SDK1: variants seen among roughly 807,000 people sequenced by gnomAD.
SDK1 encodes the protein protein sidekick-1.
In SDK1, 157 loss-of-function variants were observed where a neutral mutation model predicts 245.5. That is an observed-to-expected ratio of 0.64 (90% CI 0.56 to 0.73). The LOEUF (loss-of-function observed/expected upper bound fraction) is 0.73, where lower values mean the gene tolerates loss of function less well. Ranked by LOEUF, SDK1 falls within the 30% of genes least tolerant of loss-of-function variation. The pLI is 0.00. For missense variants in SDK1, 3,583 were observed against 3,002.3 expected (o/e 1.19, Z -4.52); for synonymous variants, 1,647 against 1,278.5 (o/e 1.29, Z -6.15).
At chr7:3,896,020 G>A (rs1046200583) in intron 5 of SDK1, among the ~76,000 whole-genome samples, 1 of 152,102 alleles carries the variant, frequency 6.6e-6, no homozygotes, top group Non-Finnish European at 1.5e-5. Context: ...CATATGTTCT[G>A]TGTGCACTTA....
chr7:4,216,160 G>A (rs186908828), intron 38 of SDK1, among the ~76,000 whole-genome samples: 50 of 152,342 alleles, frequency 3.3e-4, no homozygotes, highest in Non-Finnish European at 5.1e-4. Context: ...TGAACTCTCT[G>A]TTGAATGTGG....
intron 5 of SDK1, among the ~76,000 whole-genome samples, chr7:3,891,213 T>A (rs1361951228): frequency 1.3e-5 from 2 of 152,024 alleles, no homozygotes; most frequent in African/African-American, 4.8e-5. Flanking sequence ...GCTGGGCAAA[T>A]ATTTCAAGGA....
intron 1 of SDK1, among the ~76,000 whole-genome samples, chr7:3,359,270 G>A (rs933464951): frequency 3.9e-5 from 6 of 152,154 alleles, no homozygotes; most frequent in African/African-American, 1.2e-4. Flanking sequence ...AGCAGAGCCC[G>A]GAGGCTTGAG....
At chr7:3,695,707 A>G (rs1416975787) in intron 4 of SDK1, among the ~76,000 whole-genome samples, 1 of 152,192 alleles carries the variant, frequency 6.6e-6, no homozygotes, top group Non-Finnish European at 1.5e-5. Flanking sequence ...CATTTATATC[A>G]TGTGTACATT....
chr7:4,146,953 C>A lies in SDK1; in HGVS notation c.4423+1037C>A, dbSNP rs143810209. On this transcript the variant is annotated intron_variant, in intron 29 of 44. Transcript: ENST00000404826. ...CTGACACCACGAGGCCGACTCTTCC[C>A]ATGAAAGTCTATAGTGGGCGCCCTT... Among the ~76,000 whole-genome samples, 1,089 of 152,344 alleles carry A rather than the reference C, an allele frequency of 7.1e-3. 16 individuals are homozygous for A. The highest frequency in any genetic ancestry group is 0.025 in the African/African-American group (1,028 of 41,584).
intron 40 of SDK1, among the ~76,000 whole-genome samples, chr7:4,224,755 C>T (rs539832211): frequency 1.3e-5 from 2 of 151,810 alleles, no homozygotes; most frequent in African/African-American, 2.4e-5. Context: ...CCGAGGTGGG[C>T]GGATCACTTG....
Position 4,267,859 on chromosome 7 carries a change from GC to G in SDK1, c.*2478del. 3 of 985,550 alleles carry G rather than the reference GC, an allele frequency of 3.0e-6. No homozygotes were observed. The highest frequency in any genetic ancestry group is 3.6e-6 in the Non-Finnish European group (3 of 830,042). The allele number at this position is 985,550 out of a possible 1,614,324, so 61.1% of individuals were successfully genotyped here. A position where few individuals can be genotyped will look rare whatever the true frequency, so the allele number is the denominator to read the frequency against. On this transcript the variant is annotated 3_prime_UTR_variant, in exon 45 of 45. Coordinates refer to ENST00000404826, the MANE Select transcript of SDK1 (RefSeq NM_152744.4). The stretch of plus-strand genomic sequence containing the variant: ...GCTGCTGGACTGTGCTTAGGACAGC[GC>G]CCATGCCTCGGAGGGACTCTGTCCC...
chr7:3,376,571 T>C (rs1375963875), intron 1 of SDK1, among the ~76,000 whole-genome samples: 2 of 152,190 alleles, frequency 1.3e-5, no homozygotes, highest in African/African-American at 4.8e-5. Flanking sequence ...TCACATTGTA[T>C]TTACCAGATT....
chr7:4,246,096 C>G (rs1057380284), intron 44 of SDK1, among the ~76,000 whole-genome samples: 1 of 152,144 alleles, frequency 6.6e-6, no homozygotes, highest in Non-Finnish European at 1.5e-5. Flanking sequence ...TTAGGCCCAG[C>G]AGAGCTCACA....
intron 1 of SDK1, among the ~76,000 whole-genome samples, chr7:3,586,935 A>T (rs561251254): frequency 1.2e-4 from 18 of 152,150 alleles, no homozygotes; most frequent in African/African-American, 4.3e-4. Flanking sequence ...TTTTTTTGGT[A>T]AGCGTTGAGA....
Position 3,645,798 on chromosome 7 carries a change from C to T in SDK1, c.713+3693C>T, listed in dbSNP as rs529201250. Among the ~76,000 whole-genome samples, 14 of 152,162 alleles carry T rather than the reference C, an allele frequency of 9.2e-5. No homozygotes were observed. In the South Asian group the frequency reaches 2.7e-3, roughly 29 times the overall value. ...CAGAGATGCCATTTAAAAACTAGAG[C>T]ATTTGACTCAAGGTGCTTCCCACAT... On this transcript the variant is annotated intron_variant, in intron 4 of 44. Coordinates refer to ENST00000404826, the MANE Select transcript of SDK1 (RefSeq NM_152744.4).
At chr7:4,015,084 G>C (rs1304125493) in intron 16 of SDK1, among the ~76,000 whole-genome samples, 1 of 152,228 alleles carries the variant, frequency 6.6e-6, no homozygotes, top group East Asian at 1.9e-4. Context: ...TATATATTTA[G>C]GGAGTGCTTT....
At chr7:3,961,789 C>A (rs1053644353) in intron 8 of SDK1, among the ~76,000 whole-genome samples, 1 of 152,162 alleles carries the variant, frequency 6.6e-6, no homozygotes, top group African/African-American at 2.4e-5. Flanking sequence ...TGAGCACTCA[C>A]CAGGTGCCGG....
chr7:3,398,609 C>T (rs1778795626), intron 1 of SDK1, among the ~76,000 whole-genome samples: 1 of 151,844 alleles, frequency 6.6e-6, no homozygotes, highest in Non-Finnish European at 1.5e-5. Context: ...GCTTACTTTT[C>T]CCCTTGCCCT....
At chr7:4,126,297 A>G (rs1414283622) in intron 25 of SDK1, among the ~76,000 whole-genome samples, 4 of 152,264 alleles carry the variant, frequency 2.6e-5, no homozygotes, top group South Asian at 2.1e-4. Context: ...ATTGTCTAGA[A>G]TATAATACCC....
chr7:3,677,778 G>A (rs1783953780), intron 4 of SDK1, among the ~76,000 whole-genome samples: 1 of 152,210 alleles, frequency 6.6e-6, no homozygotes, highest in Non-Finnish European at 1.5e-5. Context: ...AGACAGTGTG[G>A]TATTAGTGGA....
intron 1 of SDK1, among the ~76,000 whole-genome samples, chr7:3,596,578 A>AC (rs1195866206): frequency 1.3e-5 from 2 of 152,114 alleles, no homozygotes; most frequent in East Asian, 3.9e-4. Flanking sequence ...CGTCTCCATC[A>AC]CCCCTGCAAG....
intron 32 of SDK1, among the ~76,000 whole-genome samples, chr7:4,172,753 C>T (rs1034558436): frequency 6.6e-6 from 1 of 152,154 alleles, no homozygotes; most frequent in Non-Finnish European, 1.5e-5. Flanking sequence ...TTCCAGCTTC[C>T]GGTGGCCGAT....
chr7:3,525,761 A>G (rs935006935), intron 1 of SDK1, among the ~76,000 whole-genome samples: 2 of 152,154 alleles, frequency 1.3e-5, no homozygotes, highest in Non-Finnish European at 2.9e-5. Flanking sequence ...CCATTGTAAA[A>G]TATTTCTTCT....
Sources: gnomAD v4.1 joint callset for allele counts (sites outside exome capture counted in the v4.1 genomes callset) on GRCh38, gnomAD v4.1.1 for gene constraint, MANE v1.5 for transcripts, NCBI Gene and HGNC (gene_info 2026-07-23, HGNC 2026-07-21) for gene names.